Variants in ROBO1 observed in about 807,000 individuals in gnomAD.
The protein encoded by ROBO1 is roundabout homolog 1.
ROBO1 carries 149 observed loss-of-function variants against 195.9 expected under a neutral mutation model. The observed-to-expected ratio is 0.76, with a 90% CI of 0.67 to 0.87. The LOEUF (loss-of-function observed/expected upper bound fraction) is 0.87. Among genes scored for constraint, ROBO1 ranks in the 40% least tolerant of loss-of-function variants. The pLI is 0.00. For synonymous variants in ROBO1, 816 were observed against 733.2 expected (o/e 1.11, Z -1.82); for missense variants, 1,933 against 2,068.3 (o/e 0.93, Z 1.27).
chr3:78,853,482 T>C (rs1313071192), intron 4 of ROBO1, among the ~76,000 whole-genome samples: 1 of 151,702 alleles, frequency 6.6e-6, no homozygotes, highest in Non-Finnish European at 1.5e-5. Flanking sequence ...TGTGTATGTA[T>C]GTATGTATTT....
At chr3:79,385,813 T>A (rs1575757014) in intron 2 of ROBO1, among the ~76,000 whole-genome samples, 2 of 152,094 alleles carry the variant, frequency 1.3e-5, no homozygotes, top group South Asian at 2.1e-4. Flanking sequence ...ACAGAAAAAC[T>A]CAATGGAGAT....
chr3:79,561,982 T>C (rs979443048), intron 2 of ROBO1, among the ~76,000 whole-genome samples: 1 of 152,164 alleles, frequency 6.6e-6, no homozygotes, highest in Non-Finnish European at 1.5e-5. Context: ...TTCTGTATGA[T>C]TTGAATTAAT....
At chr3:79,188,731 C>A (rs1184495415) in intron 2 of ROBO1, among the ~76,000 whole-genome samples, 1 of 151,744 alleles carries the variant, frequency 6.6e-6, no homozygotes, top group African/African-American at 2.4e-5. Flanking sequence ...TCTATGAGAG[C>A]AGAGATCTTG....
intron 2 of ROBO1, among the ~76,000 whole-genome samples, chr3:79,177,513 C>A (rs921949390): frequency 6.6e-6 from 1 of 152,148 alleles, no homozygotes; most frequent in Non-Finnish European, 1.5e-5. Context: ...CTCATGGGTC[C>A]CAATCCACTC....
At chr3:79,543,815 T>C (rs145542059) in intron 2 of ROBO1, among the ~76,000 whole-genome samples, 3 of 152,210 alleles carry the variant, frequency 2.0e-5, no homozygotes, top group Non-Finnish European at 4.4e-5. Context: ...TCTAAATGCA[T>C]TTGTAGAAAT....
Position 78,633,948 on chromosome 3 carries a change from GC to G in ROBO1, c.3467del (p.Gly1156AlafsTer25). 1 of 1,608,468 alleles carries G rather than the reference GC, an allele frequency of 6.2e-7. No individual in the cohort carries two copies. Among genetic ancestry groups the G allele is most frequent in the Non-Finnish European group, 8.5e-7 (1 of 1,175,900 alleles). On this transcript the variant is annotated frameshift_variant, in exon 24 of 31. Transcript: ENST00000464233. LOFTEE classifies it high-confidence loss of function. ...TGGSYNSSDR[G>X]SSTSGSQGHK... ...CATCTTACTTACCAGATGTACTACT[GC>G]CCCGGTCTGAGCTGTTGTAGGATCC...
At chr3:79,704,327 C>T (rs1947705596) in intron 1 of ROBO1, among the ~76,000 whole-genome samples, 1 of 151,852 alleles carries the variant, frequency 6.6e-6, no homozygotes, top group Admixed American at 6.6e-5. Flanking sequence ...CCCTAAGAAC[C>T]CCTCTACCTA....
chr3:79,554,740 A>C (rs1426614863), intron 2 of ROBO1, among the ~76,000 whole-genome samples: 1 of 152,132 alleles, frequency 6.6e-6, no homozygotes, highest in Non-Finnish European at 1.5e-5. Flanking sequence ...TACAGTGGAA[A>C]GAGCATTTTA....
intron 4 of ROBO1, among the ~76,000 whole-genome samples, chr3:78,776,226 T>G (rs1356940347): frequency 6.6e-6 from 1 of 150,938 alleles, no homozygotes; most frequent in African/African-American, 2.4e-5. Flanking sequence ...CATCAGACAC[T>G]TGTGAAGAAA....
chr3:78,990,792 G>T (rs899694211), intron 3 of ROBO1, among the ~76,000 whole-genome samples: 1 of 152,050 alleles, frequency 6.6e-6, no homozygotes, highest in Non-Finnish European at 1.5e-5. Flanking sequence ...ACTCATAGAA[G>T]TCCCATCAAT....
intron 3 of ROBO1, among the ~76,000 whole-genome samples, chr3:78,943,413 G>A (rs1037037869): frequency 6.6e-6 from 1 of 152,104 alleles, no homozygotes; most frequent in South Asian, 2.1e-4. Flanking sequence ...CTTTGGGAAT[G>A]GAACTCAGGA....
At chr3:78,938,404 A>G (rs2039936568) in intron 4 of ROBO1, 197 bp downstream of exon 4, 3 of 540,720 alleles carry the variant, frequency 5.5e-6, no homozygotes, top group Non-Finnish European at 9.8e-6. Context: ...CTGTGTGTAA[A>G]TACCAATTTA....
At chr3:78,711,348 C>CTCCTTTCTTTCTTTCTTTCTTCCTTCCT (rs1575992298) in intron 8 of ROBO1, among the ~76,000 whole-genome samples, 1 of 54,692 alleles carries the variant, frequency 1.8e-5, no homozygotes, top group African/African-American at 9.2e-5. Flanking sequence ...TCCTTCCTTC[C>CTCCTTTCTTTCTTTCTTTCTTCCTTCCT]TCCTTCCTTC....
intron 2 of ROBO1, among the ~76,000 whole-genome samples, chr3:79,144,425 T>C (rs1028053797): frequency 1.3e-5 from 2 of 151,920 alleles, no homozygotes; most frequent in African/African-American, 4.8e-5. Flanking sequence ...TTTCCCCTAC[T>C]GTCTACTCCC....
At chr3:78,882,961 C>T (rs148968736) in intron 4 of ROBO1, among the ~76,000 whole-genome samples, 464 of 151,844 alleles carry the variant, frequency 3.1e-3, no homozygotes, top group South Asian at 0.011. Context: ...TACAGGCATA[C>T]GCCACCACAC....
intron 1 of ROBO1, among the ~76,000 whole-genome samples, chr3:79,651,499 C>A (rs1946007151): frequency 1.3e-5 from 2 of 151,980 alleles, no homozygotes; most frequent in African/African-American, 4.8e-5. Context: ...TATAGTTGTT[C>A]AAATTTACTT....
intron 8 of ROBO1, among the ~76,000 whole-genome samples, chr3:78,691,512 T>G (rs1440069076): frequency 6.6e-6 from 1 of 152,156 alleles, no homozygotes; most frequent in Non-Finnish European, 1.5e-5. Flanking sequence ...CAATCTCAAT[T>G]GTTTTAAATT....
intron 2 of ROBO1, among the ~76,000 whole-genome samples, chr3:79,314,414 T>A (rs1054179323): frequency 3.7e-4 from 57 of 152,122 alleles, no homozygotes; most frequent in Middle Eastern, 3.2e-3. Context: ...TCTCATGAGA[T>A]CTGATGGTTT....
At chr3:79,017,924 C>A (rs186606057) in intron 3 of ROBO1, among the ~76,000 whole-genome samples, 34 of 152,266 alleles carry the variant, frequency 2.2e-4, no homozygotes, top group African/African-American at 7.5e-4. Flanking sequence ...CTACTAATAA[C>A]CCCTTGTGCT....
Sources: gnomAD v4.1 joint callset for allele counts (sites outside exome capture counted in the v4.1 genomes callset) on GRCh38, gnomAD v4.1.1 for gene constraint, MANE v1.5 for transcripts, NCBI Gene and HGNC (gene_info 2026-07-23, HGNC 2026-07-21) for gene names.